Variants in NUDCD1 observed in about 807,000 individuals in gnomAD.
NUDCD1 encodes the protein NudC domain containing 1, also known as nudC domain-containing protein 1.
In NUDCD1, 60 loss-of-function variants were observed where a neutral mutation model predicts 67.8. The observed-to-expected ratio is 0.88, with a 90% confidence interval of 0.72 to 1.10. The LOEUF is 1.10. Among genes scored for constraint, NUDCD1 ranks in the 50% least tolerant of loss-of-function variants. The probability of loss-of-function intolerance (pLI) is 0.00; values close to 1 mark genes in which losing one functional copy is unlikely to be tolerated. For synonymous variants in NUDCD1, 244 were observed against 230.8 expected, an observed-to-expected ratio of 1.06 and a Z score of -0.52; for missense variants, 643 against 695.0, an observed-to-expected ratio of 0.93 and a Z score of 0.84.
chr8:109,316,870 A>G (rs1011962493), intron 2 of NUDCD1, among the ~76,000 whole-genome samples: 1 of 152,202 alleles, frequency 6.6e-6, no homozygotes, highest in African/African-American at 2.4e-5. Flanking sequence ...TGTTTTGATC[A>G]ATTACTCCAC....
chr8:109,250,942 C>A (rs533030225), intron 8 of NUDCD1, among the ~76,000 whole-genome samples: 1 of 152,170 alleles, frequency 6.6e-6, no homozygotes, highest in South Asian at 2.1e-4. Context: ...GTTTTCTCAT[C>A]TTTTAATGTC....
rs1345264084 is a variant in NUDCD1, at chr8:109,280,912, T to A, written c.1028+56A>T. The A allele has an allele frequency of 1.8e-5, 15 of 847,656 alleles. No homozygotes were observed. In the East Asian group the frequency reaches 3.8e-4, roughly 22 times the overall value. The allele number at this position is 847,656 out of a possible 1,614,324, so 52.5% of individuals were successfully genotyped here. On this transcript the variant is annotated intron_variant, in intron 6 of 9. Transcript: ENST00000239690. ...TCTGATGTAACCACTGTGGAAAGAG[T>A]AAAAAGAAAAGAAAAAAAGATAATA...
At chr8:109,266,832 CATTT>C (rs1414520662) in intron 8 of NUDCD1, among the ~76,000 whole-genome samples, 1 of 152,046 alleles carries the variant, frequency 6.6e-6, no homozygotes, top group Non-Finnish European at 1.5e-5. Context: ...TGTGCTGCTT[CATTT>C]ATTTATTTAA....
intron 2 of NUDCD1, among the ~76,000 whole-genome samples, chr8:109,311,296 A>T (rs2130096944): frequency 6.6e-6 from 1 of 152,294 alleles, no homozygotes; most frequent in East Asian, 1.9e-4. Context: ...GATGCTGTGA[A>T]CAGGGAACAC....
rs1586321326 is a variant in NUDCD1 at position 109,333,793 on chromosome 8, T to C, written c.118+100A>G. The C allele has an allele frequency of 4.5e-6, 6 of 1,321,832 alleles. No homozygotes were observed. The East Asian group carries it at 1.2e-4, about 26-fold the overall frequency. 81.9% of individuals were successfully genotyped at this position (1,321,832 alleles called of 1,614,324 possible). On this transcript the variant is annotated intron_variant, in intron 1 of 9. Coordinates refer to ENST00000239690, the MANE Select transcript of NUDCD1 (RefSeq NM_032869.4). ...GTCCACGCAAGCCGCCACGGTGGCT[T>C]CGCTTGCCAGTCAGAAAGAAAGAAA...
chr8:109,251,600 G>C (rs890255934), intron 8 of NUDCD1, among the ~76,000 whole-genome samples: 1 of 152,112 alleles, frequency 6.6e-6, no homozygotes, highest in Non-Finnish European at 1.5e-5. Context: ...AGTGTCTTTA[G>C]GATCTCCATT....
At chr8:109,332,631 C>T (rs1322535560) in intron 1 of NUDCD1, among the ~76,000 whole-genome samples, 9 of 152,188 alleles carry the variant, frequency 5.9e-5, no homozygotes, top group Non-Finnish European at 5.9e-5. Flanking sequence ...AGAAGAACCA[C>T]TCAGCTGACC....
At chr8:109,247,162 AT>A (rs1387016007) in intron 8 of NUDCD1, among the ~76,000 whole-genome samples, 1 of 152,252 alleles carries the variant, frequency 6.6e-6, no homozygotes, top group African/African-American at 2.4e-5. Flanking sequence ...TTTTATTATT[AT>A]GTTTGACAGA....
chr8:109,281,231 A>G, intron 5 of NUDCD1, 59 bp from the exon 6 acceptor site: 2 of 1,095,890 alleles, frequency 1.8e-6, no homozygotes, highest in Non-Finnish European at 2.7e-6. Flanking sequence ...ATACACACAC[A>G]CAAAACCTAT....
rs550830202 is a variant in NUDCD1, at chr8:109,273,290, G to C, written c.1173+2062C>G. On this transcript the variant is annotated intron_variant, in intron 7 of 9. Coordinates refer to ENST00000239690, the MANE Select transcript of NUDCD1 (RefSeq NM_032869.4). ...GGCTTTCAGTTGAGATAAATGAAAA[G>C]TTTTGCCTTAGGTGTAAGAATAAAC... 4.6e-5 allele frequency among the ~76,000 whole-genome samples: 7 copies of C among 152,210 alleles called. No homozygotes were observed. The South Asian group carries it at 6.2e-4, about 14-fold the overall frequency.
intron 1 of NUDCD1, among the ~76,000 whole-genome samples, chr8:109,333,006 A>G (rs1815846795): frequency 6.6e-6 from 1 of 152,178 alleles, no homozygotes; most frequent in South Asian, 2.1e-4. Context: ...TTTTCTTCCT[A>G]ACTAGCTAAT....
At chr8:109,250,578 A>C (rs1189368340) in intron 8 of NUDCD1, among the ~76,000 whole-genome samples, 1 of 152,220 alleles carries the variant, frequency 6.6e-6, no homozygotes, top group East Asian at 1.9e-4. Flanking sequence ...TTGTAGCAGA[A>C]GCCTTCAGTC....
At chr8:109,313,532 T>G (rs1374408147) in intron 2 of NUDCD1, among the ~76,000 whole-genome samples, 1 of 152,174 alleles carries the variant, frequency 6.6e-6, no homozygotes, top group African/African-American at 2.4e-5. Flanking sequence ...TTTCCCCTTT[T>G]GCTTCAAATA....
Position 109,333,965 on chromosome 8 carries a change from A to G in NUDCD1, c.46T>C (p.Leu16=), listed in dbSNP as rs1188422004. Reference sequence around the variant, plus strand: ...TTGTAACCCTCGAAGCGGGGATCCAACAGAGGTCTCTTCACCCGTAGGGAG... The same window carrying G: ...TTGTAACCCTCGAAGCGGGGATCCAGCAGAGGTCTCTTCACCCGTAGGGAG... ...NCSLRVKRPL[L]DPRFEGYKLS... is the part of the protein sequence containing the mutation. Residue 16 remains leucine, a synonymous_variant, in exon 1 of 10, where the codon TTG becomes CTG. Coordinates refer to ENST00000239690, the MANE Select transcript of NUDCD1 (RefSeq NM_032869.4). 6 of 1,614,062 alleles carry G rather than the reference A, an allele frequency of 3.7e-6. No homozygotes were observed. Among genetic ancestry groups the G allele is most frequent in the African/African-American group, 1.3e-5 (1 of 74,948 alleles).
At chr8:109,245,277 T>C in intron 9 of NUDCD1, 45 bp downstream of exon 9, 1 of 1,548,454 alleles carries the variant, frequency 6.5e-7, no homozygotes, top group South Asian at 1.2e-5. Context: ...GAATGATGAC[T>C]GTATTTCTGA....
intron 5 of NUDCD1, among the ~76,000 whole-genome samples, chr8:109,284,613 T>C (rs554508480): frequency 6.6e-6 from 1 of 151,828 alleles, no homozygotes; most frequent in Admixed American, 6.6e-5. Flanking sequence ...TAGAAATCAA[T>C]ACCAAGAAGA....
At chr8:109,250,192 T>C (rs923560261) in intron 8 of NUDCD1, among the ~76,000 whole-genome samples, 4 of 152,170 alleles carry the variant, frequency 2.6e-5, no homozygotes, top group Admixed American at 6.5e-5. Flanking sequence ...TAAGAGACTA[T>C]GTGATACTCA....
intron 9 of NUDCD1, among the ~76,000 whole-genome samples, chr8:109,244,581 C>T (rs1275927010): frequency 3.3e-5 from 5 of 152,078 alleles, no homozygotes; most frequent in Non-Finnish European, 5.9e-5. Flanking sequence ...TAAATTTCTT[C>T]TACAATTAGG....
intron 2 of NUDCD1, among the ~76,000 whole-genome samples, chr8:109,299,268 G>A (rs1189892120): frequency 6.6e-6 from 1 of 152,202 alleles, no homozygotes; most frequent in Non-Finnish European, 1.5e-5. Flanking sequence ...CTCAGGGAAG[G>A]GTGTGAATCT....
Sources: gnomAD v4.1 joint callset for allele counts (sites outside exome capture counted in the v4.1 genomes callset) on GRCh38, gnomAD v4.1.1 for gene constraint, MANE v1.5 for transcripts, NCBI Gene and HGNC (gene_info 2026-07-23, HGNC 2026-07-21) for gene names.